AIG1: variants seen among roughly 807,000 people sequenced by gnomAD.
AIG1 encodes androgen-induced gene 1 protein.
In AIG1, 23 loss-of-function variants were observed where a neutral mutation model predicts 31.4. The observed-to-expected ratio is 0.73, with a 90% confidence interval of 0.53 to 1.04. AIG1 has a LOEUF of 1.04. Among genes scored for constraint, AIG1 ranks in the 50% least tolerant of loss-of-function variants. The pLI is 0.00. For synonymous variants in AIG1, 100 were observed against 110.5 expected (o/e 0.90, Z 0.60); for missense variants, 274 against 295.0 (o/e 0.93, Z 0.52).
chr6:143,124,382 C>T (rs1369410901), intron 1 of AIG1, among the ~76,000 whole-genome samples: 1 of 152,162 alleles, frequency 6.6e-6, no homozygotes. Flanking sequence ...GACTTCACAG[C>T]CCCAGCCTGT....
intron 1 of AIG1, among the ~76,000 whole-genome samples, chr6:143,122,687 T>G (rs895966772): frequency 1.3e-5 from 2 of 152,166 alleles, no homozygotes; most frequent in Admixed American, 1.3e-4. Flanking sequence ...CTTCATAGTG[T>G]TTTTTTATCT....
chr6:143,304,230 C>G (rs1489073783), intron 4 of AIG1, among the ~76,000 whole-genome samples: 5 of 151,736 alleles, frequency 3.3e-5, no homozygotes, highest in Non-Finnish European at 4.4e-5. Flanking sequence ...CTTCTCCTGC[C>G]TAATTGCCCT....
At chr6:143,226,182 C>T (rs1235975623) in intron 3 of AIG1, among the ~76,000 whole-genome samples, 1 of 151,984 alleles carries the variant, frequency 6.6e-6, no homozygotes, top group East Asian at 1.9e-4. Flanking sequence ...ACAAGAGTCA[C>T]ATCTGTTCAG....
At position 143,330,018 on chromosome 6, in the gene AIG1, TA is replaced by T. The variant is rs200562972; in HGVS notation, c.516-3256del. On this transcript the variant is annotated intron_variant, in intron 4 of 5. Transcript: ENST00000357847. This position sits in a 1 kb window ranked among gnomAD's most constrained non-coding sequence, Gnocchi z 4.4. Reference sequence around the variant, plus strand: ...AGATTTTGGAGGTTTTTTTTGAGATTAAAAAAAATTCATAAGTTATTGGCGA... The same window carrying T: ...AGATTTTGGAGGTTTTTTTTGAGATTAAAAAAATTCATAAGTTATTGGCGA... Among the ~76,000 whole-genome samples the T allele has an allele frequency of 3.1e-3, 465 of 152,086 alleles. 2 individuals carry two copies. Among genetic ancestry groups the T allele is most frequent in the African/African-American group, 0.011 (452 of 41,498 alleles).
chr6:143,155,227 A>G (rs1785625468), intron 2 of AIG1, among the ~76,000 whole-genome samples: 1 of 152,144 alleles, frequency 6.6e-6, no homozygotes, highest in Admixed American at 6.5e-5. Flanking sequence ...CTCTGCCCTT[A>G]TGGAGTTTAC....
chr6:143,302,544 G>T (rs944111663), intron 4 of AIG1, among the ~76,000 whole-genome samples: 1 of 152,112 alleles, frequency 6.6e-6, no homozygotes, highest in Non-Finnish European at 1.5e-5. Context: ...TCCCTACAAA[G>T]GACATGAACT....
chr6:143,114,074 G>A (rs947986149), intron 1 of AIG1, among the ~76,000 whole-genome samples: 4 of 152,048 alleles, frequency 2.6e-5, no homozygotes, highest in South Asian at 2.1e-4. Flanking sequence ...GCGCCTGGCC[G>A]GAAATGTTTT....
rs141981149 is a variant in AIG1, at chr6:143,167,064, G to A, written c.399+1881G>A. Among the ~76,000 whole-genome samples, 141 of 152,284 alleles carry A rather than the reference G, an allele frequency of 9.3e-4. 2 individuals carry two copies. The highest frequency in any genetic ancestry group is 2.7e-3 in the African/African-American group (113 of 41,566). ...GAAGCTTAGTTTCAAACTGTTTAGCGTATTTCAGCTGTCTAAGATAAACCA... is the reference window on the plus strand; with the variant it reads ...GAAGCTTAGTTTCAAACTGTTTAGCATATTTCAGCTGTCTAAGATAAACCA... On this transcript the variant is annotated intron_variant, in intron 3 of 5. Coordinates refer to ENST00000357847, the MANE Select transcript of AIG1 (RefSeq NM_016108.4).
chr6:143,211,397 C>T lies in AIG1; in HGVS notation c.399+46214C>T, dbSNP rs142806774. ...CTGGTGCTATGAAGGAGACATGGACCACAGGATCCTGAGAGTGAATTCTAG... is the reference window on the plus strand; with the variant it reads ...CTGGTGCTATGAAGGAGACATGGACTACAGGATCCTGAGAGTGAATTCTAG... On this transcript the variant is annotated intron_variant, in intron 3 of 5. Transcript: ENST00000357847. Among the ~76,000 whole-genome samples, 149 of 152,204 alleles carry T rather than the reference C, an allele frequency of 9.8e-4. 1 individual carries two copies. The highest frequency in any genetic ancestry group is 3.4e-3 in the African/African-American group (140 of 41,506).
chr6:143,179,075 A>G (rs1686770187), intron 3 of AIG1, among the ~76,000 whole-genome samples: 2 of 152,084 alleles, frequency 1.3e-5, no homozygotes, highest in South Asian at 4.1e-4. Context: ...GGGCTTGAGT[A>G]GAGTACACAA....
At chr6:143,343,668 C>T (rs925674204), downstream of AIG1, among the ~76,000 whole-genome samples, 2 of 152,100 alleles carry the variant, frequency 1.3e-5, no homozygotes, top group Non-Finnish European at 2.9e-5. Context: ...TATATTTTCT[C>T]AAGGCTATTT....
rs1458676878 is a variant in AIG1 at position 143,252,943 on chromosome 6, G to A, written c.400-31167G>A. ...GTTGGATTGAGGGCCTCAGTTTCTA[G>A]CTGGCTTTTGGCCAGAGGATGCCCC... On this transcript the variant is annotated intron_variant, in intron 3 of 5. Coordinates refer to ENST00000357847, the MANE Select transcript of AIG1 (RefSeq NM_016108.4). Among the ~76,000 whole-genome samples the A allele has an allele frequency of 3.3e-5, 5 of 152,198 alleles. No homozygotes were observed. The South Asian group carries it at 8.3e-4, about 25-fold the overall frequency.
At chr6:143,061,296 C>T in intron 1 of AIG1, 1 of 658,896 alleles carries the variant, frequency 1.5e-6, no homozygotes, top group South Asian at 1.5e-5. Context: ...GTACCCTTAC[C>T]TGGCAACTGG....
intron 3 of AIG1, among the ~76,000 whole-genome samples, chr6:143,278,715 C>T (rs746293122): frequency 5.9e-5 from 9 of 151,856 alleles, no homozygotes; most frequent in Admixed American, 3.9e-4. Flanking sequence ...GTGATCCGCC[C>T]GCCTCAGCCT....
rs1363663291 is a variant in AIG1 at position 143,288,520 on chromosome 6, G to A, written c.515+4295G>A. Reference sequence around the variant, plus strand: ...GTGAGTGTATTTAAAGCAAAATAGAGATGTCTGTTGTCTCTGCACCCTAGT... The same window carrying A: ...GTGAGTGTATTTAAAGCAAAATAGAAATGTCTGTTGTCTCTGCACCCTAGT... On this transcript the variant is annotated intron_variant, in intron 4 of 5. Transcript: ENST00000357847. The surrounding 1 kb of genome is among the most constrained non-coding windows in gnomAD (Gnocchi z 4.4). 1.3e-5 allele frequency among the ~76,000 whole-genome samples: 2 copies of A among 152,170 alleles called. No homozygotes were observed. The highest frequency in any genetic ancestry group is 2.9e-5 in the Non-Finnish European group (2 of 68,038).
rs72998184 is a variant in AIG1 at position 143,326,293 on chromosome 6, A to G, written c.516-6989A>G. Among the ~76,000 whole-genome samples the G allele has an allele frequency of 1.9e-3, 295 of 152,304 alleles. 2 individuals are homozygous for G. The highest frequency in any genetic ancestry group is 6.6e-3 in the South Asian group (32 of 4,818). The stretch of plus-strand genomic sequence containing the variant: ...CTGCCCTCTCTTCCTTGATCACAAC[A>G]AAAGTGTTCTCTTCTTGAACTTCTG... On this transcript the variant is annotated intron_variant, in intron 4 of 5. Transcript: ENST00000357847. The surrounding 1 kb of genome is among the most constrained non-coding windows in gnomAD (Gnocchi z 4.5).
intron 3 of AIG1, among the ~76,000 whole-genome samples, chr6:143,166,469 T>C (rs1267936366): frequency 6.6e-6 from 1 of 152,222 alleles, no homozygotes; most frequent in African/African-American, 2.4e-5. Flanking sequence ...GTTCCTATCT[T>C]CTTTAAGAAG....
intron 3 of AIG1, among the ~76,000 whole-genome samples, chr6:143,209,556 G>A (rs1378677099): frequency 3.3e-5 from 5 of 152,164 alleles, no homozygotes; most frequent in Admixed American, 3.3e-4. Flanking sequence ...TGAAGATGGA[G>A]GAGGGGGCAA....
intron 2 of AIG1, 90 bp downstream of exon 2, chr6:143,137,080 A>G: frequency 3.1e-6 from 4 of 1,275,562 alleles, no homozygotes; most frequent in Non-Finnish European, 4.0e-6. Context: ...TCATTATAAG[A>G]GGTTTCTGTA....
Sources: allele counts gnomAD v4.1 joint callset (sites outside exome capture counted in the v4.1 genomes callset), GRCh38; gene constraint gnomAD v4.1.1; non-coding constraint Gnocchi (gnomAD v3.1); transcripts MANE v1.5; gene names NCBI Gene and HGNC (gene_info 2026-07-23, HGNC 2026-07-21).